Variants in GLRX3 observed in about 807,000 individuals in gnomAD.
The protein encoded by GLRX3 is glutaredoxin 3.
In GLRX3, 22 loss-of-function variants were observed where a neutral mutation model predicts 49.5. The observed-to-expected ratio is 0.44, with a 90% CI of 0.32 to 0.63. GLRX3 has a LOEUF of 0.63. Among genes scored for constraint, GLRX3 ranks in the 30% least tolerant of loss-of-function variants. The pLI is 0.05. For synonymous variants in GLRX3, 133 were observed against 140.0 expected (o/e 0.95, Z 0.35); for missense variants, 385 against 396.3 (o/e 0.97, Z 0.24).
At chr10:130,149,777 CT>C (rs67539009) in intron 2 of GLRX3, among the ~76,000 whole-genome samples, 206 of 141,822 alleles carry the variant, frequency 1.5e-3, no homozygotes, top group Non-Finnish European at 1.8e-3. Flanking sequence ...TTTCCTGTAG[CT>C]TTTTTTTTTT....
chr10:130,147,562 G>T (rs1862292682), intron 2 of GLRX3, among the ~76,000 whole-genome samples: 1 of 152,142 alleles, frequency 6.6e-6, no homozygotes, highest in Admixed American at 6.5e-5. Context: ...CGTAAGATTG[G>T]TCATTCTTCC....
chr10:130,151,529 A>G (rs2134886629), intron 2 of GLRX3, among the ~76,000 whole-genome samples: 1 of 144,668 alleles, frequency 6.9e-6, no homozygotes, highest in East Asian at 2.0e-4. Context: ...TCAGCCCCCC[A>G]CCCTCCAACA....
At chr10:130,148,739 C>G (rs1214770702) in intron 2 of GLRX3, among the ~76,000 whole-genome samples, 1 of 151,912 alleles carries the variant, frequency 6.6e-6, no homozygotes, top group African/African-American at 2.4e-5. Context: ...ATCTGAATCC[C>G]TCATTCTCTG....
In GLRX3 at chr10:130,175,275, A is replaced by C. The variant is rs145281145; in HGVS notation, c.957+186A>C. Among the ~76,000 whole-genome samples the C allele has an allele frequency of 3.3e-5, 5 of 152,276 alleles. No homozygotes were observed. The East Asian group carries it at 9.6e-4, about 29-fold the overall frequency. On this transcript the variant is annotated intron_variant, in intron 10 of 10. Coordinates refer to ENST00000331244, the MANE Select transcript of GLRX3 (RefSeq NM_006541.5). Reference sequence around the variant, plus strand: ...CTACCCTGCCATTCTCACTGTCCCCACGTGGCAGCCTGTTCTTACTTTCAC... The same window carrying C: ...CTACCCTGCCATTCTCACTGTCCCCCCGTGGCAGCCTGTTCTTACTTTCAC...
chr10:130,150,236 T>C (rs1447401667), intron 2 of GLRX3, among the ~76,000 whole-genome samples: 1 of 134,596 alleles, frequency 7.4e-6, no homozygotes, highest in African/African-American at 2.7e-5. Flanking sequence ...CAAGACTCCA[T>C]CTCAAAAAAA....
intron 4 of GLRX3, among the ~76,000 whole-genome samples, chr10:130,165,552 A>G (rs961583835): frequency 2.0e-5 from 3 of 152,218 alleles, no homozygotes; most frequent in African/African-American, 4.8e-5. Flanking sequence ...TCAAGTTATG[A>G]CATGAGATGA....
At chr10:130,179,697 A>C (rs957051467), downstream of GLRX3, 3 of 307,718 alleles carry the variant, frequency 9.7e-6, no homozygotes, top group African/African-American at 6.8e-5. Context: ...TTCTTAGTAC[A>C]TGAGTATCTT....
At chr10:130,155,151 T>C (rs12784133) in intron 2 of GLRX3, among the ~76,000 whole-genome samples, 14,338 of 151,810 alleles carry the variant, frequency 0.094, 856 homozygotes, top group Non-Finnish European at 0.13. Flanking sequence ...ATTTGAAAAA[T>C]GGAAAGGAGC....
At position 130,148,433 on chromosome 10, in the gene GLRX3, CTTTTTTTTT is replaced by C. The variant is rs57482969; in HGVS notation, c.201+3133_201+3141del. ...GATGTGAGCCACTTTGCCCTTCAGT[CTTTTTTTTT>C]TTTTTTTTTTTTTTTTTTAATGATG... On this transcript the variant is annotated intron_variant, in intron 2 of 10. Coordinates refer to ENST00000331244, the MANE Select transcript of GLRX3 (RefSeq NM_006541.5). Among the ~76,000 whole-genome samples, 114 of 70,582 alleles carry C rather than the reference CTTTTTTTTT, an allele frequency of 1.6e-3. 2 individuals are homozygous for C. The East Asian group carries it at 0.03, about 19-fold the overall frequency. The allele number at this position is 70,582 out of a possible 152,430, so 46.3% of individuals were successfully genotyped here. A position where few individuals can be genotyped will look rare whatever the true frequency, so the allele number is the denominator to read the frequency against.
intron 2 of GLRX3, among the ~76,000 whole-genome samples, chr10:130,148,903 A>G (rs992292787): frequency 6.6e-6 from 1 of 151,930 alleles, no homozygotes; most frequent in Admixed American, 6.6e-5. Context: ...TCTCTACAGA[A>G]TAAAAATTTA....
In GLRX3 at chr10:130,175,019, A is replaced by G. The variant is rs1440563933; in HGVS notation, c.887A>G (p.Tyr296Cys). The change falls in exon 10 of 11, where the codon TAC (tyrosine) becomes TGC (cysteine). Residue 296 changes from tyrosine (Y) to cysteine (C), a missense_variant. Tyr to Cys is a radical substitution (Grantham distance 194). Coordinates refer to ENST00000331244, the MANE Select transcript of GLRX3 (RefSeq NM_006541.5). ...TAGGTTCGGCAAGGATTAAAAGCTT[A>G]CTCAAATTGGCCAACATACCCTCAG... The part of the protein sequence containing the change: ...DEEVRQGLKA[Y>C]SNWPTYPQLY... 5.0e-6 allele frequency: 8 copies of G among 1,609,282 alleles called. No homozygotes were observed. Among genetic ancestry groups the G allele is most frequent in the Non-Finnish European group, 6.8e-6 (8 of 1,175,710 alleles).
At chr10:130,177,912 A>G (rs904354807) in intron 10 of GLRX3, among the ~76,000 whole-genome samples, 7 of 152,198 alleles carry the variant, frequency 4.6e-5, no homozygotes, top group South Asian at 2.1e-4. Flanking sequence ...TGTTTCTTTA[A>G]ACCAGAAAAT....
chr10:130,165,340 C>T (rs1270820075), intron 4 of GLRX3, among the ~76,000 whole-genome samples: 1 of 151,712 alleles, frequency 6.6e-6, no homozygotes, highest in Non-Finnish European at 1.5e-5. Flanking sequence ...TCAGACTAGG[C>T]TAATAGGTTT....
intron 2 of GLRX3, among the ~76,000 whole-genome samples, chr10:130,151,037 C>CCTGCCTCA (rs1862367251): frequency 6.6e-6 from 1 of 151,458 alleles, no homozygotes; most frequent in Non-Finnish European, 1.5e-5. Context: ...AAGGAATTCT[C>CCTGCCTCA]CTGCCTCAGC....
At chr10:130,143,891 G>T (rs1313092175) in intron 1 of GLRX3, among the ~76,000 whole-genome samples, 4 of 151,974 alleles carry the variant, frequency 2.6e-5, no homozygotes, top group African/African-American at 9.7e-5. Context: ...TAGAGTTGGG[G>T]TTTCACCACA....
intron 3 of GLRX3, 141 bp from the exon 4 acceptor site, chr10:130,160,655 G>C (rs1378663378): frequency 1.6e-6 from 1 of 613,232 alleles, no homozygotes; most frequent in Non-Finnish European, 2.9e-6. Flanking sequence ...TTCTAAAATT[G>C]AGATGCAGTG....
At chr10:130,136,699 G>A (rs1232744891) in intron 1 of GLRX3, among the ~76,000 whole-genome samples, 187 bp downstream of exon 1, 1 of 152,190 alleles carries the variant, frequency 6.6e-6, no homozygotes, top group Non-Finnish European at 1.5e-5. Context: ...CCGAGCCGCA[G>A]GTTCCCCGCC....
intron 2 of GLRX3, among the ~76,000 whole-genome samples, chr10:130,148,687 T>A (rs992260260): frequency 6.6e-6 from 1 of 152,082 alleles, no homozygotes; most frequent in African/African-American, 2.4e-5. Context: ...TTTGTGCTCT[T>A]TGGAATTGAA....
At position 130,149,934 on chromosome 10, in the gene GLRX3, TAA is replaced by T. The variant is rs59275416; in HGVS notation, c.201+4633_201+4634del. Among the ~76,000 whole-genome samples, 1,037 of 132,122 alleles carry T rather than the reference TAA, an allele frequency of 7.8e-3. 14 individuals carry two copies. The highest frequency in any genetic ancestry group is 0.023 in the African/African-American group (821 of 35,630). 86.7% of individuals were successfully genotyped at this position (132,122 alleles called of 152,430 possible). A position where few individuals can be genotyped will look rare whatever the true frequency, so the allele number is the denominator to read the frequency against. On this transcript the variant is annotated intron_variant, in intron 2 of 10. Coordinates refer to ENST00000331244, the MANE Select transcript of GLRX3 (RefSeq NM_006541.5). ...CTTTACCTCATCAGGTTTTCATTAGTAAAAAAAAAAAAAAAAAAATAGGGCCG... is the reference window on the plus strand; with the variant it reads ...CTTTACCTCATCAGGTTTTCATTAGTAAAAAAAAAAAAAAAAATAGGGCCG...
Sources: allele counts gnomAD v4.1 joint callset (sites outside exome capture counted in the v4.1 genomes callset), GRCh38; gene constraint gnomAD v4.1.1; transcripts MANE v1.5; gene names NCBI Gene and HGNC (gene_info 2026-07-23, HGNC 2026-07-21).